The following LDAF1 variants were observed in gnomAD, a reference collection of about 807,000 sequenced individuals.
The protein encoded by LDAF1 is lipid droplet assembly factor 1, also known as PROMETHIN.
Under a neutral mutation model 13.5 loss-of-function variants are expected in LDAF1, and 7 were observed. The ratio of observed to expected loss-of-function variants is 0.52; its 90% confidence interval spans 0.29 to 0.97. LDAF1 has a LOEUF of 0.97. LDAF1 is among the 50% of genes least tolerant of loss of function. LDAF1 has a pLI of 0.07. For synonymous variants in LDAF1, 69 were observed against 77.1 expected, an observed-to-expected ratio of 0.89 and a Z score of 0.55; for missense variants, 148 against 193.2, an observed-to-expected ratio of 0.77 and a Z score of 1.39.
At chr16:21,167,214 A>G (rs560343162) in intron 2 of LDAF1, among the ~76,000 whole-genome samples, 1 of 152,322 alleles carries the variant, frequency 6.6e-6, no homozygotes, top group East Asian at 1.9e-4. Flanking sequence ...TCGCCCTGAA[A>G]ATCCCACTGT....
At chr16:21,159,551 A>AG in intron 1 of LDAF1, 1 of 1,053,032 alleles carries the variant, frequency 9.5e-7, no homozygotes. Flanking sequence ...GAGCCTTGGA[A>AG]GGGGAAAGGG....
At chr16:21,165,537 C>T in intron 2 of LDAF1, 1 of 963,246 alleles carries the variant, frequency 1.0e-6, no homozygotes, top group Non-Finnish European at 1.2e-6. Flanking sequence ...TTTTGTCATT[C>T]CACTTTCATA....
At chr16:21,160,939 G>A (rs1054895996) in intron 1 of LDAF1, 146 bp from the exon 2 acceptor site, 36 of 950,680 alleles carry the variant, frequency 3.8e-5, no homozygotes, top group Admixed American at 1.1e-4. Flanking sequence ...TTCCTGGATT[G>A]AAGTGTGTGC....
At chr16:21,159,322 C>T (rs780928491) in intron 1 of LDAF1, 13 of 1,613,194 alleles carry the variant, frequency 8.1e-6, no homozygotes, top group South Asian at 5.5e-5. Flanking sequence ...ACCCCCTCTC[C>T]ACCTGCATTT....
intron 3 of LDAF1, chr16:21,172,938 A>C: frequency 1.7e-6 from 1 of 571,952 alleles, no homozygotes; most frequent in Non-Finnish European, 2.2e-6. Flanking sequence ...AAGCAAAGGG[A>C]AGGATGTCAG....
intron 3 of LDAF1, among the ~76,000 whole-genome samples, chr16:21,172,203 T>C (rs926890065): frequency 6.8e-6 from 1 of 147,430 alleles, no homozygotes; most frequent in Non-Finnish European, 1.5e-5. Context: ...ATCCCAACAC[T>C]GGGAGGCTGA....
At chr16:21,158,980 A>G (rs2092926969) in intron 1 of LDAF1, among the ~76,000 whole-genome samples, 1 of 149,558 alleles carries the variant, frequency 6.7e-6, no homozygotes. Context: ...CCCTAAATGC[A>G]CACTCACCCC....
At chr16:21,161,748 A>G (rs1400498913) in intron 2 of LDAF1, among the ~76,000 whole-genome samples, 1 of 152,226 alleles carries the variant, frequency 6.6e-6, no homozygotes, top group Non-Finnish European at 1.5e-5. Flanking sequence ...GCCTACTTCA[A>G]GATTTGAGTT....
rs370990856 is a variant in LDAF1 at position 21,172,827 on chromosome 16, C to T, written c.266-1183C>T. 1.2e-4 allele frequency: 115 copies of T among 985,348 alleles called. 4 individuals are homozygous for T. The South Asian group carries it at 3.1e-3, about 27-fold the overall frequency. The allele number at this position is 985,348 out of a possible 1,614,324, so 61.0% of individuals were successfully genotyped here. A position where few individuals can be genotyped will look rare whatever the true frequency, so the allele number is the denominator to read the frequency against. On this transcript the variant is annotated intron_variant, in intron 3 of 4. Transcript: ENST00000233047. ...TTTGCGAATCTTTATGAACAGGCAG[C>T]ACACCTGTTGATGTTCTCTTCCTTC...
chr16:21,178,902 G>A (rs556181431), intron 4 of LDAF1: 78 of 153,942 alleles, frequency 5.1e-4, no homozygotes, highest in Admixed American at 1.1e-3. Context: ...CTTCCACCAT[G>A]ATTGTGAGGC....
At chr16:21,166,396 A>T (rs1466018929) in intron 2 of LDAF1, among the ~76,000 whole-genome samples, 1 of 152,240 alleles carries the variant, frequency 6.6e-6, no homozygotes. Context: ...TATTGGAAAC[A>T]TACTTAAAAT....
chr16:21,179,471 A>G lies in LDAF1; in HGVS notation c.405-4A>G. The G allele has an allele frequency of 6.2e-7, 1 of 1,614,142 alleles. No individual in the cohort carries two copies. Among genetic ancestry groups the G allele is most frequent in the Non-Finnish European group, 8.5e-7 (1 of 1,180,016 alleles). On this transcript the variant is annotated splice_polypyrimidine_tract_variant and splice_region_variant and intron_variant, in intron 4 of 4. Transcript: ENST00000233047. ...GCTAACGATCTCTTCTTGTTATCCGACAGGCCACTGACACAGCAAAACACC... is the reference window on the plus strand; with the variant it reads ...GCTAACGATCTCTTCTTGTTATCCGGCAGGCCACTGACACAGCAAAACACC...
chr16:21,169,048 TTAA>T (rs923196293), intron 2 of LDAF1: 19 of 243,762 alleles, frequency 7.8e-5, no homozygotes, highest in African/African-American at 3.8e-4. Context: ...AATAATACTT[TTAA>T]TAATAATAGA....
chr16:21,159,531 G>T (rs1024863393), intron 1 of LDAF1: 14 of 1,198,118 alleles, frequency 1.2e-5, no homozygotes, highest in African/African-American at 7.5e-5. Flanking sequence ...AGGGCCAGGA[G>T]ATTTATTTGG....
chr16:21,161,191 A>G lies in LDAF1; in HGVS notation c.9A>G (p.Lys3=), dbSNP rs1310056202. Residue 3 remains lysine, a synonymous_variant, in exon 2 of 5, where the codon AAA becomes AAG. Transcript: ENST00000233047. MA[K]EEPQSISRDL... ...TTGAAGTGAGCTTCAGAATGGCAAAAGAGGAGCCCCAGAGTATCTCAAGGG... is the reference window on the plus strand; with the variant it reads ...TTGAAGTGAGCTTCAGAATGGCAAAGGAGGAGCCCCAGAGTATCTCAAGGG... The G allele has an allele frequency of 4.3e-6, 7 of 1,614,182 alleles. No homozygotes were observed. The East Asian group carries it at 1.6e-4, about 36-fold the overall frequency.
At chr16:21,174,817 C>T (rs948895861) in intron 4 of LDAF1, among the ~76,000 whole-genome samples, 3 of 152,112 alleles carry the variant, frequency 2.0e-5, no homozygotes, top group African/African-American at 4.8e-5. Flanking sequence ...AAATGACCCA[C>T]GAGACATGTC....
At chr16:21,169,848 C>T (rs2093068438) in intron 2 of LDAF1, among the ~76,000 whole-genome samples, 1 of 151,866 alleles carries the variant, frequency 6.6e-6, no homozygotes, top group East Asian at 1.9e-4. Context: ...GACTTGCCAC[C>T]TCTCCACAGC....
rs572008324 is a variant in LDAF1, at chr16:21,159,448, AC to A, written c.-99+704del. 669 of 1,612,902 alleles carry A rather than the reference AC, an allele frequency of 4.1e-4. 4 individuals carry two copies. In the South Asian group the frequency reaches 7.0e-3, roughly 17 times the overall value. On this transcript the variant is annotated intron_variant, in intron 1 of 4. Coordinates refer to ENST00000233047, the MANE Select transcript of LDAF1 (RefSeq NM_001301771.2). ...GGCGCCCTGTAGCTCCCATCCCCCA[AC>A]CAGAGATGTGACCCCTCCTCCCAGC...
At chr16:21,178,262 G>T (rs1241610223) in intron 4 of LDAF1, 3 of 985,118 alleles carry the variant, frequency 3.0e-6, no homozygotes, top group Non-Finnish European at 3.6e-6. Flanking sequence ...AGAAGTAGGG[G>T]CCCTGGGCAG....
Sources: gnomAD v4.1 joint callset for allele counts (sites outside exome capture counted in the v4.1 genomes callset) on GRCh38, gnomAD v4.1.1 for gene constraint, MANE v1.5 for transcripts, NCBI Gene and HGNC (gene_info 2026-07-23, HGNC 2026-07-21) for gene names.